The following TNFRSF10B variants were observed in gnomAD, a reference collection of about 807,000 sequenced individuals.
TNFRSF10B encodes TNF receptor superfamily member 10b.
A neutral mutation model predicts 41.4 loss-of-function variants in TNFRSF10B; 35 were observed. The ratio of observed to expected loss-of-function variants is 0.85; its 90% confidence interval spans 0.65 to 1.12. The LOEUF (loss-of-function observed/expected upper bound fraction) is 1.12, where lower values mean the gene tolerates loss of function less well. Among genes scored for constraint, TNFRSF10B ranks in the 50% most tolerant of loss-of-function variants. TNFRSF10B has a pLI of 0.00. For missense variants in TNFRSF10B, 584 were observed against 552.7 expected, an observed-to-expected ratio of 1.06 and a Z score of -0.57; for synonymous variants, 230 against 215.5, an observed-to-expected ratio of 1.07 and a Z score of -0.59.
At position 23,029,699 on chromosome 8, in the gene TNFRSF10B, G is replaced by A. The variant is rs767604342; in HGVS notation, c.387C>T (p.Cys129=). 14 of 1,613,948 alleles carry A rather than the reference G, an allele frequency of 8.7e-6. 1 individual carries two copies. The highest frequency in any genetic ancestry group is 4.5e-5 in the East Asian group (2 of 44,884). Residue 129 remains cysteine, a synonymous_variant, in exon 4 of 9, where the codon TGC becomes TGT. Transcript: ENST00000276431. ...GACACACTGTGTTTCTGGTCGTGGT[G>A]CAGGGACTTAGCTCCACTTCACCTG... The part of the protein sequence containing the change: ...CDSGEVELSP[C]TTTRNTVCQC...
At chr8:23,034,177 C>T (rs980077107) in intron 2 of TNFRSF10B, among the ~76,000 whole-genome samples, 7 of 152,156 alleles carry the variant, frequency 4.6e-5, no homozygotes, top group African/African-American at 1.7e-4. Context: ...TACAGGAGCA[C>T]AGTGTTTGCA....
chr8:23,038,520 C>T (rs1585213698), intron 2 of TNFRSF10B, among the ~76,000 whole-genome samples: 3 of 152,176 alleles, frequency 2.0e-5, no homozygotes, highest in Admixed American at 2.0e-4. Context: ...GTGTTTTCTT[C>T]CTTCTCTTAT....
chr8:23,045,123 G>C (rs1001388505), intron 1 of TNFRSF10B, among the ~76,000 whole-genome samples: 1 of 149,114 alleles, frequency 6.7e-6, no homozygotes, highest in African/African-American at 2.5e-5. Flanking sequence ...CCAGCTACTT[G>C]GGTGGCTGGG....
At chr8:23,049,548 C>T (rs1812460812) in intron 1 of TNFRSF10B, among the ~76,000 whole-genome samples, 1 of 152,178 alleles carries the variant, frequency 6.6e-6, no homozygotes, top group Admixed American at 6.5e-5. Flanking sequence ...GTCTTCAGGA[C>T]TCAGACCTTA....
chr8:23,029,716 C>T lies in TNFRSF10B; in HGVS notation c.370G>A (p.Val124Met), dbSNP rs377756817. The T allele has an allele frequency of 1.2e-6, 2 of 1,613,262 alleles. No homozygotes were observed. The highest frequency in any genetic ancestry group is 1.7e-6 in the Non-Finnish European group (2 of 1,179,798). Residue 124 changes from valine to methionine, a missense_variant, in exon 4 of 9, where the codon GTG becomes ATG. Val to Met is a conservative substitution (Grantham distance 21). Transcript: ENST00000276431. Reference sequence around the variant, plus strand: ...GTCGTGGTGCAGGGACTTAGCTCCACTTCACCTGACGACAGAGCATAAGGT... The same window carrying T: ...GTCGTGGTGCAGGGACTTAGCTCCATTTCACCTGACGACAGAGCATAAGGT... ...LRCTRCDSGE[V>M]ELSPCTTTRN...
rs571702931 is a variant in TNFRSF10B at position 23,023,007 on chromosome 8, C to G, written c.1010-23G>C. The stretch of plus-strand genomic sequence containing the variant: ...GAGCTGGTGGAGAAAGCCACAGAGA[C>G]AGCCAGGTGAGTTGGGACTCAGAAA... On this transcript the variant is annotated intron_variant, in intron 8 of 8. Transcript: ENST00000276431. The G allele has an allele frequency of 4.4e-6, 7 of 1,606,408 alleles. No homozygotes were observed. The Admixed American group carries it at 1.2e-4, about 27-fold the overall frequency.
intron 2 of TNFRSF10B, among the ~76,000 whole-genome samples, chr8:23,037,556 G>C (rs1041135555): frequency 6.6e-6 from 1 of 152,216 alleles, no homozygotes; most frequent in African/African-American, 2.4e-5. Flanking sequence ...CCACAGTCAT[G>C]GTATTCACAC....
chr8:23,037,585 G>A (rs1812061841), intron 2 of TNFRSF10B, among the ~76,000 whole-genome samples: 1 of 152,140 alleles, frequency 6.6e-6, no homozygotes, highest in Admixed American at 6.5e-5. Context: ...TTCTGATTGA[G>A]GGACTCACTT....
chr8:23,060,073 C>G (rs1441377727), intron 1 of TNFRSF10B, among the ~76,000 whole-genome samples: 1 of 152,116 alleles, frequency 6.6e-6, no homozygotes, highest in African/African-American at 2.4e-5. Flanking sequence ...AATATTTTCT[C>G]TCATTCTGTG....
rs377645383 is a variant in TNFRSF10B at position 23,043,228 on chromosome 8, C to T, written c.160G>A (p.Ala54Thr). Residue 54 changes from alanine to threonine, a missense_variant, in exon 2 of 9, where the codon GCT becomes ACT. By Grantham distance (58) the Ala-to-Thr change is moderately conservative. Coordinates refer to ENST00000276431, the MANE Select transcript of TNFRSF10B (RefSeq NM_003842.5). ...AVLLLVSAES[A>T]LITQQDLAPQ... ...GCTAGGTCTTGTTGGGTGATCAGAG[C>T]AGACTCAGCTGAGACCTGTGGGGAC... The T allele has an allele frequency of 2.5e-6, 4 of 1,613,986 alleles. No individual in the cohort carries two copies. The African/African-American group carries it at 4.0e-5, about 16-fold the overall frequency.
intron 7 of TNFRSF10B, 48 bp downstream of exon 7, chr8:23,027,085 C>T (rs1476475403): frequency 1.9e-6 from 3 of 1,612,660 alleles, no homozygotes; most frequent in South Asian, 2.2e-5. Context: ...CTACGAAATC[C>T]CAGGTGAGCA....
chr8:23,038,982 A>G (rs113859862), intron 2 of TNFRSF10B, among the ~76,000 whole-genome samples: 1,697 of 152,000 alleles, frequency 0.011, 35 homozygotes, highest in African/African-American at 0.038. Context: ...ATAATGAAAT[A>G]ATTATACAAC....
At chr8:23,037,359 T>C (rs7831564) in intron 2 of TNFRSF10B, among the ~76,000 whole-genome samples, 155 of 152,320 alleles carry the variant, frequency 1.0e-3, no homozygotes, top group African/African-American at 3.4e-3. Flanking sequence ...GTCTCTGATA[T>C]AGCACCATTC....
intron 2 of TNFRSF10B, among the ~76,000 whole-genome samples, chr8:23,033,585 C>CAAAAAAAAAA (rs59282000): frequency 1.1e-4 from 7 of 62,274 alleles, no homozygotes; most frequent in African/African-American, 5.4e-4. Context: ...GACTCCGTCT[C>CAAAAAAAAAA]AAAAAAAAAA....
intron 2 of TNFRSF10B, 45 bp from the exon 3 acceptor site, chr8:23,030,917 C>T: frequency 7.0e-7 from 1 of 1,432,446 alleles, no homozygotes; most frequent in Non-Finnish European, 9.7e-7. Flanking sequence ...CCACAGGATT[C>T]CCAGAAGCTG....
chr8:23,057,591 C>A (rs1282831542), intron 1 of TNFRSF10B, among the ~76,000 whole-genome samples: 1 of 151,980 alleles, frequency 6.6e-6, no homozygotes, highest in Non-Finnish European at 1.5e-5. Flanking sequence ...TGACACCACA[C>A]CTGGCTGATT....
intron 8 of TNFRSF10B, among the ~76,000 whole-genome samples, chr8:23,023,427 C>T (rs1659967637): frequency 6.6e-6 from 1 of 151,806 alleles, no homozygotes; most frequent in African/African-American, 2.4e-5. Flanking sequence ...GACAGGGGAC[C>T]TCTGTTTTCA....
At chr8:23,043,659 T>TG (rs761554832) in intron 1 of TNFRSF10B, among the ~76,000 whole-genome samples, 16 of 152,304 alleles carry the variant, frequency 1.1e-4, no homozygotes, top group Non-Finnish European at 1.9e-4. Flanking sequence ...TTTTTATAAA[T>TG]GGGGGTTATA....
chr8:23,041,742 T>C (rs1304680419), intron 2 of TNFRSF10B, among the ~76,000 whole-genome samples: 1 of 152,146 alleles, frequency 6.6e-6, no homozygotes, highest in African/African-American at 2.4e-5. Flanking sequence ...TCGAGGAGTT[T>C]CCACATCTCA....
Sources: gnomAD v4.1 joint callset for allele counts (sites outside exome capture counted in the v4.1 genomes callset) on GRCh38, gnomAD v4.1.1 for gene constraint, MANE v1.5 for transcripts, NCBI Gene and HGNC (gene_info 2026-07-23, HGNC 2026-07-21) for gene names.